Variants in TECRL observed in about 807,000 individuals in gnomAD.
TECRL encodes the protein trans-2,3-enoyl-CoA reductase like, also known as trans-2,3-enoyl-CoA reductase-like.
In TECRL, 63 loss-of-function variants were observed where a neutral mutation model predicts 52.8. The ratio of observed to expected loss-of-function variants is 1.19; its 90% CI spans 0.97 to 1.47. The LOEUF (loss-of-function observed/expected upper bound fraction) is 1.47, where lower values mean the gene tolerates loss of function less well. Among genes scored for constraint, TECRL ranks in the 40% most tolerant of loss-of-function variants. TECRL has a pLI of 0.00. For missense variants in TECRL, 482 were observed against 429.6 expected, an observed-to-expected ratio of 1.12 and a Z score of -1.08; for synonymous variants, 164 against 141.9, an observed-to-expected ratio of 1.16 and a Z score of -1.10.
intron 7 of TECRL, among the ~76,000 whole-genome samples, chr4:64,300,501 A>T (rs1663069737): frequency 6.7e-6 from 1 of 149,188 alleles, no homozygotes; most frequent in Admixed American, 6.7e-5. Context: ...ACCTTAAAAT[A>T]AAAAAAAATA....
At chr4:64,376,106 G>T (rs1241501016) in intron 1 of TECRL, among the ~76,000 whole-genome samples, 2 of 151,790 alleles carry the variant, frequency 1.3e-5, no homozygotes, top group African/African-American at 4.8e-5. Flanking sequence ...TAAAATGTTG[G>T]TGCATAATAG....
chr4:64,288,252 C>T (rs1209811133), intron 9 of TECRL, among the ~76,000 whole-genome samples: 1 of 151,908 alleles, frequency 6.6e-6, no homozygotes, highest in Non-Finnish European at 1.5e-5. Context: ...AATGAACACA[C>T]AATGCAGTGG....
chr4:64,317,509 T>G (rs1395380578), intron 4 of TECRL, among the ~76,000 whole-genome samples: 1 of 152,190 alleles, frequency 6.6e-6, no homozygotes, highest in Admixed American at 6.5e-5. Flanking sequence ...TCAGAATTGT[T>G]GAAAACAAAA....
intron 1 of TECRL, among the ~76,000 whole-genome samples, chr4:64,384,092 G>T (rs1286721069): frequency 6.6e-6 from 1 of 152,104 alleles, no homozygotes; most frequent in Non-Finnish European, 1.5e-5. Flanking sequence ...CATCAGGTGG[G>T]TAATGCTTAG....
chr4:64,409,027 C>A (rs1026642158), intron 1 of TECRL, 91 bp downstream of exon 1: 1 of 1,133,590 alleles, frequency 8.8e-7, no homozygotes, highest in South Asian at 1.6e-5. Flanking sequence ...TCAGAACAGT[C>A]GTGTTAGAAT....
At chr4:64,343,149 A>G (rs1719707723) in intron 2 of TECRL, among the ~76,000 whole-genome samples, 1 of 152,166 alleles carries the variant, frequency 6.6e-6, no homozygotes, top group Non-Finnish European at 1.5e-5. Flanking sequence ...GCTTAAATTA[A>G]CAAAGATAAA....
rs138748158 is a variant in TECRL, at chr4:64,399,586, G to A, written c.234+9532C>T. ...GCCTGGGAGAACAGAATGGTTTCCT[G>A]GGCCAGGTTTTGAGCCCTGCTGCCT... On this transcript the variant is annotated intron_variant, in intron 1 of 11. Coordinates refer to ENST00000381210, the MANE Select transcript of TECRL (RefSeq NM_001010874.5). Among the ~76,000 whole-genome samples, 8 of 152,252 alleles carry A rather than the reference G, an allele frequency of 5.3e-5. No individual in the cohort carries two copies. The East Asian group carries it at 1.2e-3, about 22-fold the overall frequency.
chr4:64,346,922 TG>T (rs1720030256), intron 2 of TECRL, among the ~76,000 whole-genome samples: 1 of 152,246 alleles, frequency 6.6e-6, no homozygotes, highest in Admixed American at 6.5e-5. Context: ...GCTACTGTTT[TG>T]CTTCTCGTTC....
intron 3 of TECRL, among the ~76,000 whole-genome samples, chr4:64,326,261 T>C (rs750501918): frequency 6.6e-6 from 1 of 152,142 alleles, no homozygotes; most frequent in Non-Finnish European, 1.5e-5. Flanking sequence ...CCAATCATTT[T>C]AAACATTAGA....
intron 1 of TECRL, among the ~76,000 whole-genome samples, chr4:64,382,531 G>A (rs183020269): frequency 9.2e-4 from 139 of 150,998 alleles, no homozygotes; most frequent in African/African-American, 3.3e-3. Flanking sequence ...AGCTAATCCT[G>A]TCTTCTTTTG....
intron 4 of TECRL, among the ~76,000 whole-genome samples, chr4:64,318,289 A>C (rs1288825429): frequency 6.6e-6 from 1 of 152,132 alleles, no homozygotes; most frequent in East Asian, 1.9e-4. Flanking sequence ...AACAAAAACT[A>C]TCTCTTATGT....
At chr4:64,381,595 T>C (rs1722798975) in intron 1 of TECRL, among the ~76,000 whole-genome samples, 1 of 152,066 alleles carries the variant, frequency 6.6e-6, no homozygotes, top group Non-Finnish European at 1.5e-5. Context: ...TTTTTTTTAA[T>C]CATAAAGGGA....
At chr4:64,366,343 A>G (rs1560532758) in intron 2 of TECRL, among the ~76,000 whole-genome samples, 2 of 152,156 alleles carry the variant, frequency 1.3e-5, no homozygotes, top group Non-Finnish European at 2.9e-5. Flanking sequence ...CATTCCAGAC[A>G]CAGGAACCGG....
chr4:64,398,927 A>C (rs1577995197), intron 1 of TECRL, among the ~76,000 whole-genome samples: 1 of 152,190 alleles, frequency 6.6e-6, no homozygotes, highest in East Asian at 1.9e-4. Flanking sequence ...ATAAAAGGTC[A>C]CTTTGCTATA....
chr4:64,367,226 G>A (rs1721662667), intron 2 of TECRL, among the ~76,000 whole-genome samples: 1 of 125,408 alleles, frequency 8.0e-6, no homozygotes, highest in Non-Finnish European at 1.7e-5. Flanking sequence ...AGACACTGGA[G>A]CCTGCTTGAG....
chr4:64,397,346 A>G (rs1724025471), intron 1 of TECRL, among the ~76,000 whole-genome samples: 1 of 151,978 alleles, frequency 6.6e-6, no homozygotes, highest in South Asian at 2.1e-4. Context: ...GGCTGTAAGT[A>G]CCTTTGAAAG....
chr4:64,299,956 T>A lies in TECRL; in HGVS notation c.774+18A>T, dbSNP rs543266534. On this transcript the variant is annotated intron_variant, in intron 8 of 11. Transcript: ENST00000381210. ...CAAAATTAGAGCGTGAATAGCAAAATATATATATGATACATACCAGAAAAT... is the reference window on the plus strand; with the variant it reads ...CAAAATTAGAGCGTGAATAGCAAAAAATATATATGATACATACCAGAAAAT... 2 of 1,503,528 alleles carry A rather than the reference T, an allele frequency of 1.3e-6. No individual in the cohort carries two copies. Among genetic ancestry groups the A allele is most frequent in the Non-Finnish European group, 1.8e-6 (2 of 1,115,292 alleles). The allele number at this position is 1,503,528 out of a possible 1,614,324, so 93.1% of individuals were successfully genotyped here. A position where few individuals can be genotyped will look rare whatever the true frequency, so the allele number is the denominator to read the frequency against.
At chr4:64,321,914 G>T (rs917264524) in intron 4 of TECRL, among the ~76,000 whole-genome samples, 2 of 152,120 alleles carry the variant, frequency 1.3e-5, no homozygotes, top group Non-Finnish European at 2.9e-5. Flanking sequence ...CTTCTCTCCA[G>T]TGTCAAAAGA....
intron 2 of TECRL, among the ~76,000 whole-genome samples, chr4:64,345,067 G>C (rs1719852371): frequency 6.6e-6 from 1 of 152,178 alleles, no homozygotes; most frequent in Non-Finnish European, 1.5e-5. Flanking sequence ...ACAAGTGCTG[G>C]AGAGGATGTG....
Sources: gnomAD v4.1 joint callset for allele counts (sites outside exome capture counted in the v4.1 genomes callset) on GRCh38, gnomAD v4.1.1 for gene constraint, MANE v1.5 for transcripts, NCBI Gene and HGNC (gene_info 2026-07-23, HGNC 2026-07-21) for gene names.